Variants in NEK10 observed in about 807,000 individuals in gnomAD.
The protein encoded by NEK10 is NIMA related kinase 10.
A neutral mutation model predicts 159.8 loss-of-function variants in NEK10; 122 were observed. The observed-to-expected ratio is 0.76, with a 90% confidence interval of 0.66 to 0.89. The LOEUF is 0.89. Among genes scored for constraint, NEK10 ranks in the 40% least tolerant of loss-of-function variants. The probability of loss-of-function intolerance (pLI) is 0.00; values close to 1 mark genes in which losing one functional copy is unlikely to be tolerated. For synonymous variants in NEK10, 466 were observed against 457.1 expected (o/e 1.02, Z -0.25); for missense variants, 1,342 against 1,323.1 (o/e 1.01, Z -0.22).
chr3:27,346,292 G>A, intron 3 of NEK10, 76 bp from the exon 4 acceptor site: 1 of 1,480,516 alleles, frequency 6.8e-7, no homozygotes, highest in Non-Finnish European at 9.3e-7. Flanking sequence ...AATATGGGGA[G>A]GATGAAGAGA....
At chr3:27,175,240 C>G (rs943388898) in intron 26 of NEK10, among the ~76,000 whole-genome samples, 15 of 152,146 alleles carry the variant, frequency 9.9e-5, no homozygotes, top group African/African-American at 3.6e-4. Context: ...CTTCAAAACT[C>G]CAGGAAAATT....
rs551886345 is a variant in NEK10 at position 27,327,052 on chromosome 3, C to T, written c.363-4791G>A. 1.6e-3 allele frequency among the ~76,000 whole-genome samples: 241 copies of T among 152,272 alleles called. 1 individual carries two copies. Among genetic ancestry groups the T allele is most frequent in the Admixed American group, 1.6e-3 (25 of 15,298 alleles). On this transcript the variant is annotated intron_variant, in intron 5 of 35. Transcript: ENST00000691995. The stretch of plus-strand genomic sequence containing the variant: ...AATAGTGACAGATTGTAAAGACAGG[C>T]ACCTTTATTTTACTGACTCAGCAAT...
intron 23 of NEK10, among the ~76,000 whole-genome samples, chr3:27,220,630 C>T (rs2149149978): frequency 6.6e-6 from 1 of 151,934 alleles, no homozygotes; most frequent in South Asian, 2.1e-4. Context: ...TCTACAGATT[C>T]AACACAATTG....
chr3:27,368,548 C>A (rs999604415), intron 1 of NEK10, among the ~76,000 whole-genome samples: 3 of 152,052 alleles, frequency 2.0e-5, no homozygotes, highest in Non-Finnish European at 4.4e-5. Context: ...GAGGAAGCAG[C>A]AGTAAGTGTC....
chr3:27,228,974 G>A (rs79810036), intron 23 of NEK10, among the ~76,000 whole-genome samples: 2,459 of 152,106 alleles, frequency 0.016, 22 homozygotes, highest in Non-Finnish European at 0.023. Flanking sequence ...ATTAGCACTG[G>A]GTATTACATC....
intron 26 of NEK10, among the ~76,000 whole-genome samples, chr3:27,180,736 G>C (rs540477276): frequency 1.3e-5 from 2 of 152,166 alleles, no homozygotes; most frequent in South Asian, 4.2e-4. Context: ...ATTGCCAGTA[G>C]AGAAAGAATT....
At chr3:27,340,059 T>A (rs564807602) in intron 5 of NEK10, among the ~76,000 whole-genome samples, 1 of 152,318 alleles carries the variant, frequency 6.6e-6, no homozygotes, top group East Asian at 1.9e-4. Context: ...CATGCACATA[T>A]ATGTTTATTG....
In NEK10 at chr3:27,116,069, C is replaced by A; in HGVS notation, c.3243+6G>T. On this transcript the variant is annotated splice_donor_region_variant and intron_variant, in intron 34 of 35. Transcript: ENST00000691995. Reference sequence around the variant, plus strand: ...AAATCATTCAGAGACACTGCAAAAACCTCACCTGCATCTGTTCATATGTTA... The same window carrying A: ...AAATCATTCAGAGACACTGCAAAAAACTCACCTGCATCTGTTCATATGTTA... 6.2e-7 allele frequency: 1 copy of A among 1,613,512 alleles called. No individual in the cohort carries two copies. The highest frequency in any genetic ancestry group is 1.1e-5 in the South Asian group (1 of 91,068).
intron 29 of NEK10, among the ~76,000 whole-genome samples, chr3:27,166,621 A>G (rs955978133): frequency 6.6e-6 from 1 of 152,218 alleles, no homozygotes; most frequent in Non-Finnish European, 1.5e-5. Context: ...AGTCACAAAT[A>G]TGAAGCTGAA....
chr3:27,113,145 A>G (rs1360019544), intron 35 of NEK10, among the ~76,000 whole-genome samples: 1 of 152,188 alleles, frequency 6.6e-6, no homozygotes, highest in African/African-American at 2.4e-5. Context: ...ATTAGAAGCC[A>G]AAAGGGGGTC....
intron 31 of NEK10, 59 bp downstream of exon 31, chr3:27,141,423 A>C: frequency 7.8e-7 from 1 of 1,277,098 alleles, no homozygotes; most frequent in Non-Finnish European, 1.1e-6. Context: ...GTTCTTCAGC[A>C]ATATTAGCAC....
intron 28 of NEK10, 27 bp from the exon 29 acceptor site, chr3:27,171,900 T>C (rs1463652137): frequency 6.3e-7 from 1 of 1,597,302 alleles, no homozygotes; most frequent in Non-Finnish European, 8.6e-7. Context: ...GAAATAACTT[T>C]ACATTATTTC....
chr3:27,366,176 T>C (rs370080223), intron 1 of NEK10, among the ~76,000 whole-genome samples: 2 of 152,262 alleles, frequency 1.3e-5, no homozygotes, highest in East Asian at 3.9e-4. Flanking sequence ...TATTAATTCA[T>C]GTAATGTTCA....
chr3:27,125,503 T>G (rs1941838050), intron 32 of NEK10, among the ~76,000 whole-genome samples: 1 of 152,198 alleles, frequency 6.6e-6, no homozygotes, highest in South Asian at 2.1e-4. Context: ...CCTTATCTTC[T>G]TTGACTGAAC....
chr3:27,288,975 C>G (rs559253733), intron 19 of NEK10, among the ~76,000 whole-genome samples: 1 of 152,140 alleles, frequency 6.6e-6, no homozygotes, highest in African/African-American at 2.4e-5. Flanking sequence ...GGTGAGGCTA[C>G]CACTCAGTTC....
At chr3:27,208,846 T>C (rs1950755281) in intron 23 of NEK10, among the ~76,000 whole-genome samples, 1 of 152,234 alleles carries the variant, frequency 6.6e-6, no homozygotes, top group African/African-American at 2.4e-5. Flanking sequence ...ATGTGCTGTC[T>C]ATAAGCCTGG....
Position 27,365,610 on chromosome 3 carries a change from G to GTTTTTTTTTTTTTTTT in NEK10, c.-38+3599_-38+3614dup, listed in dbSNP as rs71091129. On this transcript the variant is annotated intron_variant, in intron 1 of 35. Transcript: ENST00000691995. ...TTGGTTTTTTGTGTTTTTTTTTTGT[G>GTTTTTTTTTTTTTTTT]TTTTTTTTTTTTTTTTTTTTGAGAT... Among the ~76,000 whole-genome samples the GTTTTTTTTTTTTTTTT allele has an allele frequency of 1.7e-3, 173 of 99,088 alleles. 2 individuals are homozygous for GTTTTTTTTTTTTTTTT. The highest frequency in any genetic ancestry group is 4.7e-3 in the East Asian group (14 of 2,984). The allele number at this position is 99,088 out of a possible 152,430, so 65.0% of individuals were successfully genotyped here.
intron 35 of NEK10, among the ~76,000 whole-genome samples, chr3:27,115,144 T>C (rs567347019): frequency 6.6e-6 from 1 of 152,266 alleles, no homozygotes; most frequent in South Asian, 2.1e-4. Flanking sequence ...GATTGGAGGA[T>C]AAATACCTCA....
At chr3:27,324,096 G>A (rs1421013994) in intron 5 of NEK10, among the ~76,000 whole-genome samples, 2 of 152,124 alleles carry the variant, frequency 1.3e-5, no homozygotes, top group Non-Finnish European at 2.9e-5. Flanking sequence ...AGGAAGTCAG[G>A]GTAGGGATAG....
Sources: allele counts gnomAD v4.1 joint callset (sites outside exome capture counted in the v4.1 genomes callset), GRCh38; gene constraint gnomAD v4.1.1; transcripts MANE v1.5; gene names NCBI Gene and HGNC (gene_info 2026-07-23, HGNC 2026-07-21).